Variants in ADAMTSL4 observed in about 807,000 individuals in gnomAD.
ADAMTSL4 encodes ADAMTS like 4, also known as ADAMTS-like protein 4.
A neutral mutation model predicts 122.8 loss-of-function variants in ADAMTSL4; 97 were observed. The ratio of observed to expected loss-of-function variants is 0.79; its 90% confidence interval spans 0.67 to 0.93. The LOEUF (loss-of-function observed/expected upper bound fraction) is 0.93. Ranked by LOEUF, ADAMTSL4 falls within the 40% of genes least tolerant of loss-of-function variation. The pLI is 0.00. For synonymous variants in ADAMTSL4, 592 were observed against 568.0 expected, an observed-to-expected ratio of 1.04 and a Z score of -0.60; for missense variants, 1,408 against 1,453.5, an observed-to-expected ratio of 0.97 and a Z score of 0.51.
chr1:150,560,459 C>T lies in ADAMTSL4; in HGVS notation c.*263C>T. ...TATGTGTGTGCTCAAACGTGTATCA[C>T]TTTTCAAAAAGAGGTTACACAGACT... On this transcript the variant is annotated 3_prime_UTR_variant, in exon 19 of 19. Transcript: ENST00000271643. 3.6e-6 allele frequency: 2 copies of T among 561,904 alleles called. No homozygotes were observed. Among genetic ancestry groups the T allele is most frequent in the South Asian group, 4.3e-5 (2 of 46,684 alleles). 34.8% of individuals were successfully genotyped at this position (561,904 alleles called of 1,614,324 possible).
chr1:150,556,685 C>T lies in ADAMTSL4; in HGVS notation c.1641C>T (p.Ser547=). ...NGNWAVDPPG[S]YRAGGTVFRY... is the part of the protein sequence containing the mutation. ...ACTGGGCTGTGGATCCCCCTGGGTC[C>T]TACAGGGCCGGCGGGACCGTCTTTC... is the stretch of plus-strand genomic sequence containing the variant. The change falls in exon 10 of 19, where the codon TCC becomes TCT. Residue 547 remains serine, a synonymous_variant. Transcript: ENST00000271643. This position sits in a 1 kb window ranked among gnomAD's most constrained non-coding sequence, Gnocchi z 4.1. 1.2e-6 allele frequency: 2 copies of T among 1,614,052 alleles called. No homozygotes were observed. The highest frequency in any genetic ancestry group is 1.1e-5 in the South Asian group (1 of 91,082).
Position 150,557,142 on chromosome 1 carries a change from C to G in ADAMTSL4, c.1862-8C>G. ...GGTGGCATCTGATTCGCCTGCTCCC[C>G]TGCACAGAGATTCTGAGGGTGGAGC... On this transcript the variant is annotated splice_polypyrimidine_tract_variant and splice_region_variant and intron_variant, in intron 11 of 18. Coordinates refer to ENST00000271643, the MANE Select transcript of ADAMTSL4 (RefSeq NM_019032.6). 1 of 1,612,716 alleles carries G rather than the reference C, an allele frequency of 6.2e-7. No individual in the cohort carries two copies. Among genetic ancestry groups the G allele is most frequent in the Non-Finnish European group, 8.5e-7 (1 of 1,179,914 alleles).
Position 150,557,251 on chromosome 1 carries a change from C to T in ADAMTSL4, c.1963C>T (p.Pro655Ser). 1.2e-6 allele frequency: 2 copies of T among 1,611,598 alleles called. No homozygotes were observed. Among genetic ancestry groups the T allele is most frequent in the Non-Finnish European group, 1.7e-6 (2 of 1,179,466 alleles). ...QVRIPQMPAP[P>S]HPRTPLGSPA... ...GCGGATCCCCCAGATGCCCGCCCCG[C>T]CCCATCCCAGGACACCCCTGGGGTC... The change falls in exon 12 of 19, where the codon CCC becomes TCC. Residue 655 changes from proline (P) to serine (S), a missense_variant. Pro to Ser is a moderately conservative substitution (Grantham distance 74, BLOSUM62 -1). Transcript: ENST00000271643.
chr1:150,552,953 G>A lies in ADAMTSL4; in HGVS notation c.134G>A (p.Gly45Asp), dbSNP rs1488734185. Residue 45 changes from glycine (G) to aspartate (D), a missense_variant, in exon 5 of 19, where the codon GGT (glycine) becomes GAT (aspartate). Gly to Asp is a moderately conservative substitution (Grantham distance 94). Transcript: ENST00000271643. The surrounding 1 kb of genome is among the most constrained non-coding windows in gnomAD (Gnocchi z 4.0). ...TPTEEGQGPE[G>D]VWGPWVQWAS... ...ACAGAGGAGGGCCAGGGCCCCGAAG[G>A]TGTCTGGGGACCTTGGGTCCAGTGG... The A allele has an allele frequency of 1.9e-6, 3 of 1,613,134 alleles. No individual in the cohort carries two copies. In the East Asian group the frequency reaches 6.7e-5, roughly 36 times the overall value.
chr1:150,559,632 C>A lies in ADAMTSL4; in HGVS notation c.2944-129C>A. 6.4e-7 allele frequency: 1 copy of A among 1,563,420 alleles called. No homozygotes were observed. The highest frequency in any genetic ancestry group is 8.7e-7 in the Non-Finnish European group (1 of 1,147,742). On this transcript the variant is annotated intron_variant, in intron 17 of 18. Transcript: ENST00000271643. The surrounding 1 kb of genome is among the most constrained non-coding windows in gnomAD (Gnocchi z 4.1). Reference sequence around the variant, plus strand: ...GACTTGGAGGAAAGATGGGCCCTCTCCATTTGGGATTTCACAATGTCCTAG... The same window carrying A: ...GACTTGGAGGAAAGATGGGCCCTCTACATTTGGGATTTCACAATGTCCTAG...
chr1:150,556,913 T>A lies in ADAMTSL4; in HGVS notation c.1750-26T>A. 2 of 1,610,980 alleles carry A rather than the reference T, an allele frequency of 1.2e-6. No homozygotes were observed. The highest frequency in any genetic ancestry group is 1.7e-6 in the Non-Finnish European group (2 of 1,177,224). On this transcript the variant is annotated intron_variant, in intron 10 of 18. Coordinates refer to ENST00000271643, the MANE Select transcript of ADAMTSL4 (RefSeq NM_019032.6). The surrounding 1 kb of genome is among the most constrained non-coding windows in gnomAD (Gnocchi z 4.1). ...GCATCCTCTTCTGGCCACCCCCACA[T>A]ATTCATTATCTTCTCTTCTCCCCAG...
At chr1:150,550,419 C>G (rs1671281796) in intron 2 of ADAMTSL4, 1 of 428,660 alleles carries the variant, frequency 2.3e-6, no homozygotes, top group Non-Finnish European at 4.7e-6. Flanking sequence ...TCACCCCCAC[C>G]CCTCACTTCT....
rs1440410647 is a variant in ADAMTSL4, at chr1:150,559,306, C to G, written c.2783C>G (p.Ser928Cys). Residue 928 changes from serine to cysteine, a missense_variant, in exon 17 of 19, where the codon TCT (serine) becomes TGT (cysteine). Coordinates refer to ENST00000271643, the MANE Select transcript of ADAMTSL4 (RefSeq NM_019032.6). The surrounding 1 kb of genome is among the most constrained non-coding windows in gnomAD (Gnocchi z 4.1). ...CACTAGTGCTCCTCCGAATGTGGCT[C>G]TGGCACACAGCGTAGAGACATCATC... ...PWGECSSECGSGTQRRDIICV... is the reference protein window; with the variant it reads ...PWGECSSECGCGTQRRDIICV... 3.1e-6 allele frequency: 5 copies of G among 1,613,972 alleles called. No individual in the cohort carries two copies. The highest frequency in any genetic ancestry group is 1.7e-5 in the Admixed American group (1 of 60,010).
At chr1:150,551,059 GAGA>G (rs1234266281) in intron 2 of ADAMTSL4, 8 of 453,976 alleles carry the variant, frequency 1.8e-5, no homozygotes, top group East Asian at 7.0e-5. Flanking sequence ...GACTCAAAGT[GAGA>G]AGAAGGGGGC....
chr1:150,555,732 CGCACACACACGCATAT>C (rs1218693624), intron 8 of ADAMTSL4, among the ~76,000 whole-genome samples, 167 bp downstream of exon 8: 1 of 151,320 alleles, frequency 6.6e-6, no homozygotes, highest in Admixed American at 6.6e-5. Flanking sequence ...CACACACACA[CGCACACACACGCATAT>C]GCACACACAT....
At position 150,557,620 on chromosome 1, in the gene ADAMTSL4, C is replaced by A; in HGVS notation, c.2174C>A (p.Pro725Gln). Reference protein sequence around the residue: ...PEPCHGTPCPPYWEAGEWTSC... With the variant: ...PEPCHGTPCPQYWEAGEWTSC... Reference sequence around the variant, plus strand: ...CCCTGCCACGGCACCCCATGCCCCCCATAGTGAGTATGGGGGAGCCCACGG... The same window carrying A: ...CCCTGCCACGGCACCCCATGCCCCCAATAGTGAGTATGGGGGAGCCCACGG... The change falls in exon 13 of 19, where the codon CCA becomes CAA. Residue 725 changes from proline to glutamine, a missense_variant. Coordinates refer to ENST00000271643, the MANE Select transcript of ADAMTSL4 (RefSeq NM_019032.6). 6.2e-7 allele frequency: 1 copy of A among 1,600,312 alleles called. No homozygotes were observed. Among genetic ancestry groups the A allele is most frequent in the African/African-American group, 1.3e-5 (1 of 74,790 alleles).
rs1309519209 is a variant in ADAMTSL4, at chr1:150,555,544, C to G, written c.1350C>G (p.Ile450Met). The G allele has an allele frequency of 5.6e-6, 9 of 1,614,010 alleles. No homozygotes were observed. Among genetic ancestry groups the G allele is most frequent in the South Asian group, 4.4e-5 (4 of 91,092 alleles). ...GTLCQPGAPD[I>M]CVAGRCLSPG... is the part of the protein sequence containing the mutation. ...TGTGTCAGCCTGGAGCCCCTGACAT[C>G]TGTGTGGCTGGACGCTGTCTGGTGA... Residue 450 changes from isoleucine (I) to methionine (M), a missense_variant, in exon 8 of 19, where the codon ATC becomes ATG. By Grantham distance (10) the Ile-to-Met change is conservative (BLOSUM62 1). Transcript: ENST00000271643.
intron 5 of ADAMTSL4, 65 bp from the exon 6 acceptor site, chr1:150,553,361 T>A (rs1004208411): frequency 2.2e-5 from 36 of 1,606,188 alleles, no homozygotes; most frequent in Non-Finnish European, 2.6e-5. Flanking sequence ...TGCCAGGAAG[T>A]AAACTGGGGA....
Position 150,558,113 on chromosome 1 carries a change from C to T in ADAMTSL4, c.2346C>T (p.Leu782=). The T allele has an allele frequency of 6.2e-7, 1 of 1,613,408 alleles. No individual in the cohort carries two copies. The highest frequency in any genetic ancestry group is 8.5e-7 in the Non-Finnish European group (1 of 1,180,040). ...PNITQSCQLR[L]CGHWEVGSPW... is the part of the protein sequence containing the mutation. Reference sequence around the variant, plus strand: ...TCACCCAGTCTTGCCAGCTGCGCCTCTGTGGCCATTGGGAAGTTGGCTCTC... The same window carrying T: ...TCACCCAGTCTTGCCAGCTGCGCCTTTGTGGCCATTGGGAAGTTGGCTCTC... The change falls in exon 14 of 19, where the codon CTC becomes CTT. Residue 782 remains leucine (L), a synonymous_variant. Transcript: ENST00000271643.
In ADAMTSL4 at chr1:150,559,542, C is replaced by T. The variant is rs1025431140; in HGVS notation, c.2943+76C>T. The T allele has an allele frequency of 6.3e-7, 1 of 1,594,478 alleles. No individual in the cohort carries two copies. Among genetic ancestry groups the T allele is most frequent in the African/African-American group, 1.3e-5 (1 of 74,718 alleles). ...GAGGGGAGCTCCTCTCGCTGTACCC[C>T]CTCCAGGTCTCTCTGTGCCCCAGAA... On this transcript the variant is annotated intron_variant, in intron 17 of 18. Coordinates refer to ENST00000271643, the MANE Select transcript of ADAMTSL4 (RefSeq NM_019032.6). The surrounding 1 kb of genome is among the most constrained non-coding windows in gnomAD (Gnocchi z 4.1).
chr1:150,560,086 C>T lies in ADAMTSL4; in HGVS notation c.3115C>T (p.His1039Tyr), dbSNP rs1229722246. 1 of 1,614,140 alleles carries T rather than the reference C, an allele frequency of 6.2e-7. No homozygotes were observed. The highest frequency in any genetic ancestry group is 8.5e-7 in the Non-Finnish European group (1 of 1,180,028). Residue 1039 changes from histidine to tyrosine, a missense_variant, in exon 19 of 19, where the codon CAT (histidine) becomes TAT (tyrosine). Transcript: ENST00000271643. ...PDDQCKDSSP[H>Y]CPLVVQARLC... ...TGATCAATGCAAGGACAGCTCTCCA[C>T]ATTGCCCCCTGGTGGTACAGGCCCG...
Position 150,553,429 on chromosome 1 carries a change from C to T in ADAMTSL4, c.438C>T (p.Ser146=). The T allele has an allele frequency of 6.2e-7, 1 of 1,613,864 alleles. No homozygotes were observed. Among genetic ancestry groups the T allele is most frequent in the Non-Finnish European group, 8.5e-7 (1 of 1,179,938 alleles). Reference sequence around the variant, plus strand: ...CACATCTGAAACACCTTCTCAGGTCCCGGCTTCGAGACCCCATCAAGCCAG... The same window carrying T: ...CACATCTGAAACACCTTCTCAGGTCTCGGCTTCGAGACCCCATCAAGCCAG... ...ETQEIRAARR[S]RLRDPIKPGM... Residue 146 remains serine, a synonymous_variant, in exon 6 of 19, where the codon TCC becomes TCT. Transcript: ENST00000271643.
Position 150,559,282 on chromosome 1 carries a change from A to C in ADAMTSL4, c.2764-5A>C. On this transcript the variant is annotated splice_region_variant and splice_polypyrimidine_tract_variant and intron_variant, in intron 16 of 18. Coordinates refer to ENST00000271643, the MANE Select transcript of ADAMTSL4 (RefSeq NM_019032.6). This position sits in a 1 kb window ranked among gnomAD's most constrained non-coding sequence, Gnocchi z 4.1. ...CCTCATCACCCTGCCCTCCCCCTAC[A>C]CTAGTGCTCCTCCGAATGTGGCTCT... is the stretch of plus-strand genomic sequence containing the variant. The C allele has an allele frequency of 1.9e-6, 3 of 1,613,630 alleles. No homozygotes were observed. Among genetic ancestry groups the C allele is most frequent in the Non-Finnish European group, 2.5e-6 (3 of 1,179,866 alleles).
At chr1:150,557,905 C>G (rs1672355730) in intron 13 of ADAMTSL4, 40 bp from the exon 14 acceptor site, 3 of 1,586,292 alleles carry the variant, frequency 1.9e-6, no homozygotes, top group African/African-American at 1.3e-5. Context: ...CACATCTCAT[C>G]TATGTCTCCG....
Sources: gnomAD v4.1 joint callset for allele counts (sites outside exome capture counted in the v4.1 genomes callset) on GRCh38, gnomAD v4.1.1 for gene constraint, Gnocchi (gnomAD v3.1) non-coding constraint, MANE v1.5 for transcripts, NCBI Gene and HGNC (gene_info 2026-07-23, HGNC 2026-07-21) for gene names.